The following CDH10 variants were observed in gnomAD, a reference collection of about 807,000 sequenced individuals.
CDH10 encodes cadherin 10.
In CDH10, 30 loss-of-function variants were observed where a neutral mutation model predicts 73.1. The ratio of observed to expected loss-of-function variants is 0.41; its 90% CI spans 0.31 to 0.56. CDH10 has a LOEUF of 0.56. Among genes scored for constraint, CDH10 ranks in the 20% least tolerant of loss-of-function variants. The pLI is 0.27. For synonymous variants in CDH10, 345 were observed against 348.2 expected, an observed-to-expected ratio of 0.99 and a Z score of 0.10; for missense variants, 815 against 973.7, an observed-to-expected ratio of 0.84 and a Z score of 2.17.
intron 3 of CDH10, among the ~76,000 whole-genome samples, chr5:24,536,981 T>C (rs556063946): frequency 6.6e-6 from 1 of 152,054 alleles, no homozygotes; most frequent in African/African-American, 2.4e-5. Context: ...AATTTTTCGG[T>C]AAATTATGAC....
At chr5:24,545,566 G>A (rs1409375463) in intron 2 of CDH10, among the ~76,000 whole-genome samples, 2 of 152,068 alleles carry the variant, frequency 1.3e-5, no homozygotes, top group African/African-American at 4.8e-5. Context: ...TATAATCTCG[G>A]TGCTTTGGGA....
chr5:24,628,871 C>T (rs924375695), intron 1 of CDH10, among the ~76,000 whole-genome samples: 3 of 123,104 alleles, frequency 2.4e-5, no homozygotes, highest in African/African-American at 8.2e-5. Flanking sequence ...CACACACACA[C>T]ACAGACACAC....
chr5:24,633,291 T>C (rs1484810312), intron 1 of CDH10, among the ~76,000 whole-genome samples: 1 of 151,858 alleles, frequency 6.6e-6, no homozygotes, highest in Non-Finnish European at 1.5e-5. Flanking sequence ...CTTCTGCAAG[T>C]ACATTACTAC....
At chr5:24,636,332 T>A (rs534733138) in intron 1 of CDH10, among the ~76,000 whole-genome samples, 1 of 152,080 alleles carries the variant, frequency 6.6e-6, no homozygotes, top group East Asian at 1.9e-4. Context: ...GATCCATGCT[T>A]TTATCTGTCA....
At chr5:24,521,278 C>CT (rs1418200578) in intron 5 of CDH10, among the ~76,000 whole-genome samples, 2 of 152,162 alleles carry the variant, frequency 1.3e-5, no homozygotes, top group Admixed American at 1.3e-4. Context: ...GGTGTGGTGG[C>CT]TCATGCCTAT....
intron 5 of CDH10, among the ~76,000 whole-genome samples, chr5:24,523,685 A>C (rs1276335276): frequency 6.6e-6 from 1 of 152,132 alleles, no homozygotes; most frequent in Middle Eastern, 3.2e-3. Context: ...TGCCATTATA[A>C]TTCTGGTCAA....
At chr5:24,604,741 G>T (rs921797918) in intron 1 of CDH10, among the ~76,000 whole-genome samples, 11 of 151,896 alleles carry the variant, frequency 7.2e-5, no homozygotes, top group African/African-American at 2.7e-4. Context: ...GGGCGTGGTG[G>T]CAGGTGCCTT....
chr5:24,635,074 G>T (rs763542189), intron 1 of CDH10, among the ~76,000 whole-genome samples: 15 of 151,058 alleles, frequency 9.9e-5, no homozygotes, highest in Admixed American at 2.0e-4. Flanking sequence ...AGAATGAAAA[G>T]AATGATCTAA....
intron 5 of CDH10, among the ~76,000 whole-genome samples, chr5:24,516,806 C>T (rs1046901387): frequency 6.6e-6 from 1 of 151,414 alleles, no homozygotes; most frequent in African/African-American, 2.4e-5. Flanking sequence ...TGCGCCTAAG[C>T]CCTCAAATCA....
chr5:24,639,314 C>A (rs1019852580), intron 1 of CDH10, among the ~76,000 whole-genome samples: 2 of 151,394 alleles, frequency 1.3e-5, no homozygotes, highest in South Asian at 4.2e-4. Flanking sequence ...TATATTTTTA[C>A]GAAAGGAGAA....
At chr5:24,518,396 T>C (rs3903387) in intron 5 of CDH10, among the ~76,000 whole-genome samples, 73,724 of 151,426 alleles carry the variant, frequency 0.49, 17,990 homozygotes, top group East Asian at 0.58. Flanking sequence ...CACATATATA[T>C]GCACGTATAC....
At chr5:24,558,746 C>T (rs1166921104) in intron 2 of CDH10, among the ~76,000 whole-genome samples, 1 of 151,610 alleles carries the variant, frequency 6.6e-6, no homozygotes, top group South Asian at 2.1e-4. Context: ...TATATTATTA[C>T]CATTTATATC....
At chr5:24,504,610 C>G (rs897972656) in intron 8 of CDH10, among the ~76,000 whole-genome samples, 16 of 144,206 alleles carry the variant, frequency 1.1e-4, no homozygotes, top group African/African-American at 4.1e-4. Context: ...ACTGCAACCT[C>G]TGCCTCCCAG....
At chr5:24,512,171 C>CTTTAT (rs576775643) in intron 5 of CDH10, among the ~76,000 whole-genome samples, 182 of 152,126 alleles carry the variant, frequency 1.2e-3, no homozygotes, top group African/African-American at 2.3e-3. Flanking sequence ...CATGTTGTCT[C>CTTTAT]TTTATTTTAT....
intron 8 of CDH10, among the ~76,000 whole-genome samples, chr5:24,504,771 A>G (rs919431894): frequency 3.3e-4 from 50 of 151,000 alleles, no homozygotes; most frequent in African/African-American, 1.2e-3. Context: ...TGATCCGCCC[A>G]CCTCGGCCTC....
chr5:24,542,959 C>T (rs1476057779), intron 2 of CDH10, among the ~76,000 whole-genome samples: 4 of 152,042 alleles, frequency 2.6e-5, no homozygotes, highest in African/African-American at 9.7e-5. Context: ...GGTGGTGAGG[C>T]CACAAATATT....
At chr5:24,520,751 G>GCAT (rs1408637407) in intron 5 of CDH10, among the ~76,000 whole-genome samples, 1 of 151,762 alleles carries the variant, frequency 6.6e-6, no homozygotes, top group Non-Finnish European at 1.5e-5. Flanking sequence ...TTTTGAGATG[G>GCAT]CATCTCAGTC....
intron 2 of CDH10, among the ~76,000 whole-genome samples, chr5:24,584,743 A>G (rs1341560163): frequency 6.6e-6 from 1 of 151,696 alleles, no homozygotes; most frequent in African/African-American, 2.4e-5. Context: ...TGCTGGGATT[A>G]CAGGTGTGAG....
In CDH10 at chr5:24,563,485, G is replaced by A. The variant is rs189165564; in HGVS notation, c.232-25811C>T. Among the ~76,000 whole-genome samples, 5 of 150,158 alleles carry A rather than the reference G, an allele frequency of 3.3e-5. No individual in the cohort carries two copies. The East Asian group carries it at 9.8e-4, about 29-fold the overall frequency. On this transcript the variant is annotated intron_variant, in intron 2 of 11. Coordinates refer to ENST00000264463, the MANE Select transcript of CDH10 (RefSeq NM_006727.5). Reference sequence around the variant, plus strand: ...AAAACTATGTAAACAGCCGGGCGCGGTGGCTCACGCCTGTAATCCCAGCAC... The same window carrying A: ...AAAACTATGTAAACAGCCGGGCGCGATGGCTCACGCCTGTAATCCCAGCAC...
Sources: gnomAD v4.1 joint callset for allele counts (sites outside exome capture counted in the v4.1 genomes callset) on GRCh38, gnomAD v4.1.1 for gene constraint, MANE v1.5 for transcripts, NCBI Gene and HGNC (gene_info 2026-07-23, HGNC 2026-07-21) for gene names.